FMN1: variants seen among roughly 807,000 people sequenced by gnomAD.
The protein encoded by FMN1 is formin 1.
FMN1 carries 110 observed loss-of-function variants against 132.4 expected under a neutral mutation model. That is an observed-to-expected ratio of 0.83 (90% CI 0.71 to 0.97). The LOEUF (loss-of-function observed/expected upper bound fraction) is 0.97, where lower values mean the gene tolerates loss of function less well. Among genes scored for constraint, FMN1 ranks in the 50% least tolerant of loss-of-function variants. The pLI is 0.00. For missense variants in FMN1, 1,792 were observed against 1,705.3 expected, an observed-to-expected ratio of 1.05 and a Z score of -0.90; for synonymous variants, 722 against 651.7, an observed-to-expected ratio of 1.11 and a Z score of -1.64.
intron 17 of FMN1, among the ~76,000 whole-genome samples, chr15:32,856,658 A>T (rs2059138374): frequency 2.0e-5 from 3 of 152,230 alleles, no homozygotes; most frequent in African/African-American, 4.8e-5. Context: ...TTGACCACAA[A>T]TGTGAAATGC....
At chr15:32,882,737 A>T (rs568258806) in intron 16 of FMN1, among the ~76,000 whole-genome samples, 91 of 151,876 alleles carry the variant, frequency 6.0e-4, no homozygotes, top group African/African-American at 2.1e-3. Flanking sequence ...ACTTACATTT[A>T]AAAAAAAACC....
In FMN1 at chr15:32,977,762, T is replaced by A. The variant is rs58879614; in HGVS notation, c.2224-8285A>T. Among the ~76,000 whole-genome samples, 76 of 152,280 alleles carry A rather than the reference T, an allele frequency of 5.0e-4. No individual in the cohort carries two copies. In the East Asian group the frequency reaches 0.011, roughly 22 times the overall value. On this transcript the variant is annotated intron_variant, in intron 7 of 20. Coordinates refer to ENST00000616417, the MANE Select transcript of FMN1 (RefSeq NM_001277313.2). ...GTATTATCTAAGCAATATAAACAGA[T>A]AGTCCCAAGCCTCATTATGAATGCA...
intron 16 of FMN1, among the ~76,000 whole-genome samples, chr15:32,880,598 G>A (rs1021024092): frequency 1.3e-5 from 2 of 152,038 alleles, no homozygotes; most frequent in Non-Finnish European, 1.5e-5. Context: ...ACTTTCTTTA[G>A]TAGCATCCTG....
At chr15:33,149,610 T>C (rs1245825453) in intron 4 of FMN1, among the ~76,000 whole-genome samples, 2 of 152,206 alleles carry the variant, frequency 1.3e-5, no homozygotes, top group Non-Finnish European at 2.9e-5. Context: ...CAAAAGTGCA[T>C]AGCAACATAC....
chr15:32,781,366 C>T (rs2056657854), intron 19 of FMN1, among the ~76,000 whole-genome samples: 1 of 152,178 alleles, frequency 6.6e-6, no homozygotes, highest in South Asian at 2.1e-4. Context: ...GCTTAAAACA[C>T]ACATTTAGTA....
intron 19 of FMN1, among the ~76,000 whole-genome samples, chr15:32,793,036 GA>G (rs1162764353): frequency 1.3e-5 from 2 of 152,150 alleles, no homozygotes; most frequent in African/African-American, 4.8e-5. Flanking sequence ...TACGAAAAAG[GA>G]AATAAGGAAA....
chr15:33,111,802 G>C (rs1472499176), intron 4 of FMN1, among the ~76,000 whole-genome samples: 1 of 152,240 alleles, frequency 6.6e-6, no homozygotes, highest in East Asian at 1.9e-4. Context: ...TGGGAAAATG[G>C]TGAGTGACTT....
chr15:32,957,298 C>CTTTTTTTTTTTTTTT (rs869111673), intron 9 of FMN1, among the ~76,000 whole-genome samples: 4 of 84,194 alleles, frequency 4.8e-5, no homozygotes, highest in African/African-American at 9.0e-5. Context: ...CAGAGCAGTT[C>CTTTTTTTTTTTTTTT]TTTTTTTTTT....
intron 17 of FMN1, among the ~76,000 whole-genome samples, chr15:32,835,196 G>T (rs2058594087): frequency 6.6e-6 from 1 of 152,174 alleles, no homozygotes; most frequent in African/African-American, 2.4e-5. Flanking sequence ...TGGGATACGT[G>T]TCAGGCCTGA....
intron 19 of FMN1, among the ~76,000 whole-genome samples, chr15:32,792,067 G>A (rs898439654): frequency 1.3e-5 from 2 of 152,122 alleles, no homozygotes; most frequent in East Asian, 3.9e-4. Context: ...AGAAACAGAG[G>A]AACTAAGGAG....
chr15:33,023,797 A>C lies in FMN1; in HGVS notation c.2162-15722T>G, dbSNP rs74491434. Among the ~76,000 whole-genome samples, 1,200 of 152,352 alleles carry C rather than the reference A, an allele frequency of 7.9e-3. 4 individuals are homozygous for C. The highest frequency in any genetic ancestry group is 0.014 in the Middle Eastern group (4 of 294). On this transcript the variant is annotated intron_variant, in intron 6 of 20. Transcript: ENST00000616417. The stretch of plus-strand genomic sequence containing the variant: ...GCCAAGCAACATATGGAAACATAAT[A>C]CGTGATTTGAGGTTGCATTGAAATT...
chr15:33,067,898 C>T (rs2037822708), intron 5 of FMN1: 6 of 1,592,186 alleles, frequency 3.8e-6, no homozygotes, highest in Non-Finnish European at 5.1e-6. Flanking sequence ...TCAGTAATGC[C>T]CTTGGTGGAA....
intron 4 of FMN1, chr15:33,151,258 T>C (rs576655129): frequency 1.2e-4 from 191 of 1,535,946 alleles, no homozygotes; most frequent in Non-Finnish European, 1.6e-4. Flanking sequence ...AAAAAAGCTC[T>C]TACCCACTTC....
chr15:33,036,008 C>G (rs1010939532), intron 6 of FMN1, among the ~76,000 whole-genome samples: 5 of 152,190 alleles, frequency 3.3e-5, no homozygotes, highest in Non-Finnish European at 7.3e-5. Context: ...CACCATACCC[C>G]ACACCACCTC....
chr15:33,187,525 C>T (rs140375050), intron 2 of FMN1, among the ~76,000 whole-genome samples: 375 of 152,310 alleles, frequency 2.5e-3, no homozygotes, highest in African/African-American at 8.3e-3. Flanking sequence ...TAGAGCCCTG[C>T]GTGCTATATC....
At chr15:32,801,742 C>G (rs994884512) in intron 18 of FMN1, among the ~76,000 whole-genome samples, 2 of 152,206 alleles carry the variant, frequency 1.3e-5, no homozygotes, top group East Asian at 3.9e-4. Flanking sequence ...TTGCAGTGAG[C>G]CCAGACTGCG....
intron 17 of FMN1, among the ~76,000 whole-genome samples, chr15:32,842,896 C>T (rs1234095543): frequency 1.3e-5 from 2 of 150,606 alleles, no homozygotes; most frequent in South Asian, 2.1e-4. Context: ...GAGGCCAAGG[C>T]GGGCAGATCA....
intron 16 of FMN1, among the ~76,000 whole-genome samples, chr15:32,876,675 GA>G (rs1267782172): frequency 7.9e-5 from 12 of 152,150 alleles, no homozygotes; most frequent in African/African-American, 2.9e-4. Context: ...AAAAGATTGA[GA>G]ACAATTATAA....
chr15:32,778,902 A>T (rs560575900), intron 19 of FMN1, among the ~76,000 whole-genome samples: 1 of 152,288 alleles, frequency 6.6e-6, no homozygotes, highest in Admixed American at 6.5e-5. Flanking sequence ...AGTAATCAAG[A>T]GTAGAAGCAA....
Sources: allele counts gnomAD v4.1 joint callset (sites outside exome capture counted in the v4.1 genomes callset), GRCh38; gene constraint gnomAD v4.1.1; transcripts MANE v1.5; gene names NCBI Gene and HGNC (gene_info 2026-07-23, HGNC 2026-07-21).